WDR86: variants seen among roughly 807,000 people sequenced by gnomAD.
The protein encoded by WDR86 is WD repeat domain 86, also known as WD repeat-containing protein 86.
Under a neutral mutation model 36.5 loss-of-function variants are expected in WDR86, and 30 were observed. That is an observed-to-expected ratio of 0.82 (90% confidence interval 0.61 to 1.11). The LOEUF is 1.11. Among genes scored for constraint, WDR86 ranks in the 50% most tolerant of loss-of-function variants. The pLI is 0.00. For synonymous variants in WDR86, 255 were observed against 252.9 expected, an observed-to-expected ratio of 1.01 and a Z score of -0.08; for missense variants, 545 against 561.2, an observed-to-expected ratio of 0.97 and a Z score of 0.29.
downstream of WDR86, chr7:151,378,430 G>A (rs561039294): frequency 2.0e-5 from 3 of 152,334 alleles, no homozygotes; most frequent in East Asian, 3.9e-4. Flanking sequence ...GAAATAAAAG[G>A]TGGGAAATAT....
chr7:151,369,994 G>A, the WDR86 span, among the ~76,000 whole-genome samples: 1 of 152,134 alleles, frequency 6.6e-6, no homozygotes, highest in African/African-American at 2.4e-5. Flanking sequence ...AACACCAGCT[G>A]TGGTCATTAC....
intron 2 of WDR86, among the ~76,000 whole-genome samples, chr7:151,399,557 A>G (rs1309026112): frequency 6.6e-6 from 1 of 152,252 alleles, no homozygotes; most frequent in Non-Finnish European, 1.5e-5. Context: ...TCTGATCAGC[A>G]AAGGAATTTC....
rs546176893 is a variant in WDR86, at chr7:151,405,278, C to T, written c.163+4149G>A. Among the ~76,000 whole-genome samples, 1 of 152,240 alleles carries T rather than the reference C, an allele frequency of 6.6e-6. No homozygotes were observed. The highest frequency in any genetic ancestry group is 1.9e-4 in the East Asian group (1 of 5,170). ...CTCTAGGTCAGGATATGTTCCCCTC[C>T]CCCAGCTCCGACCCTGCAGGGCTCC... On this transcript the variant is annotated intron_variant, in intron 1 of 5. Transcript: ENST00000334493. The surrounding 1 kb of genome is among the most constrained non-coding windows in gnomAD (Gnocchi z 4.7).
chr7:151,401,978 G>A lies in WDR86; in HGVS notation c.164-1737C>T, dbSNP rs1800331615. On this transcript the variant is annotated intron_variant, in intron 1 of 5. Coordinates refer to ENST00000334493, the MANE Select transcript of WDR86 (RefSeq NM_198285.3). The surrounding 1 kb of genome is among the most constrained non-coding windows in gnomAD (Gnocchi z 4.3). Reference sequence around the variant, plus strand: ...GCAGAGAACTGCTTGAACCCGGAAGGCGGAGGCTGCAGTGAGCTGAGGTTG... The same window carrying A: ...GCAGAGAACTGCTTGAACCCGGAAGACGGAGGCTGCAGTGAGCTGAGGTTG... Among the ~76,000 whole-genome samples, 1 of 146,312 alleles carries A rather than the reference G, an allele frequency of 6.8e-6. No individual in the cohort carries two copies. Among genetic ancestry groups the A allele is most frequent in the Non-Finnish European group, 1.5e-5 (1 of 67,088 alleles).
In WDR86 at chr7:151,381,220, A is replaced by C; in HGVS notation, c.*362T>G. The stretch of plus-strand genomic sequence containing the variant: ...GGTTCAGTGGCTTCTGTAAAAAGTC[A>C]CTTCCTCTCAGCAGGAAAGGCCCAG... On this transcript the variant is annotated 3_prime_UTR_variant, in exon 6 of 6. Transcript: ENST00000334493. The surrounding 1 kb of genome is among the most constrained non-coding windows in gnomAD (Gnocchi z 4.8). The C allele has an allele frequency of 7.9e-7, 1 of 1,272,040 alleles. No individual in the cohort carries two copies. Among genetic ancestry groups the C allele is most frequent in the Middle Eastern group, 3.0e-4 (1 of 3,342 alleles). 78.8% of individuals were successfully genotyped at this position (1,272,040 alleles called of 1,614,324 possible). A position where few individuals can be genotyped will look rare whatever the true frequency, so the allele number is the denominator to read the frequency against.
At chr7:151,402,070 A>AAAAATATATATATAT in intron 1 of WDR86, among the ~76,000 whole-genome samples, 98 of 50,474 alleles carry the variant, frequency 1.9e-3, no homozygotes, top group Non-Finnish European at 3.0e-3. Context: ...AAAAAAAAAA[A>AAAAATATATATATAT]ATATATATAT....
chr7:151,381,048 C>T, downstream of WDR86: 1 of 922,012 alleles, frequency 1.1e-6, no homozygotes, highest in Admixed American at 4.9e-5. This position sits in a 1 kb window ranked among gnomAD's most constrained non-coding sequence, Gnocchi z 4.8. Flanking sequence ...GCCCGCCGCC[C>T]TGGGTTCCTG....
downstream of WDR86, among the ~76,000 whole-genome samples, chr7:151,373,678 C>T (rs1031748687): frequency 5.3e-5 from 8 of 152,222 alleles, no homozygotes; most frequent in Non-Finnish European, 7.3e-5. Context: ...GGCGATTCAT[C>T]GAAGGCTGGA....
At position 151,401,769 on chromosome 7, in the gene WDR86, G is replaced by A. The variant is rs1479189126; in HGVS notation, c.164-1528C>T. Reference sequence around the variant, plus strand: ...GGGGTCCTAAATACAACCGCAAGTGGCCAGGCGCGGTGGCTCACGCCTGTA... The same window carrying A: ...GGGGTCCTAAATACAACCGCAAGTGACCAGGCGCGGTGGCTCACGCCTGTA... On this transcript the variant is annotated intron_variant, in intron 1 of 5. Transcript: ENST00000334493. The surrounding 1 kb of genome is among the most constrained non-coding windows in gnomAD (Gnocchi z 4.3). Among the ~76,000 whole-genome samples, 1 of 151,992 alleles carries A rather than the reference G, an allele frequency of 6.6e-6. No homozygotes were observed. Among genetic ancestry groups the A allele is most frequent in the African/African-American group, 2.4e-5 (1 of 41,364 alleles).
At position 151,401,575 on chromosome 7, in the gene WDR86, C is replaced by T. The variant is rs373810521; in HGVS notation, c.164-1334G>A. Reference sequence around the variant, plus strand: ...AGCCGCAGAGGGAATGGCACATGTTCGCTATTTTCCTTACACTGGGGAGAG... The same window carrying T: ...AGCCGCAGAGGGAATGGCACATGTTTGCTATTTTCCTTACACTGGGGAGAG... On this transcript the variant is annotated intron_variant, in intron 1 of 5. Transcript: ENST00000334493. This position sits in a 1 kb window ranked among gnomAD's most constrained non-coding sequence, Gnocchi z 4.3. Among the ~76,000 whole-genome samples, 3 of 152,144 alleles carry T rather than the reference C, an allele frequency of 2.0e-5. No homozygotes were observed. Among genetic ancestry groups the T allele is most frequent in the East Asian group, 1.9e-4 (1 of 5,196 alleles).
chr7:151,374,078 C>T (rs1246557759), downstream of WDR86: 4 of 1,546,990 alleles, frequency 2.6e-6, no homozygotes, highest in East Asian at 2.4e-5. Flanking sequence ...TGGGATGGGA[C>T]TTTGCTGTTT....
intron 1 of WDR86, among the ~76,000 whole-genome samples, chr7:151,404,285 TGCCCTGTG>T (rs1800552099): frequency 6.6e-6 from 1 of 152,014 alleles, no homozygotes; most frequent in Non-Finnish European, 1.5e-5. Flanking sequence ...CTCTGCCCTC[TGCCCTGTG>T]GCAGAGCCTG....
At chr7:151,395,027 A>T (rs1002864077) in intron 3 of WDR86, among the ~76,000 whole-genome samples, 1 of 152,234 alleles carries the variant, frequency 6.6e-6, no homozygotes, top group African/African-American at 2.4e-5. Context: ...ACTGAGGCCC[A>T]CAGAGGCTGG....
chr7:151,402,070 A>AAAAAAAATATATATATATATATAT, intron 1 of WDR86, among the ~76,000 whole-genome samples: 6 of 50,508 alleles, frequency 1.2e-4, no homozygotes, highest in African/African-American at 2.4e-4. Flanking sequence ...AAAAAAAAAA[A>AAAAAAAATATATATATATATATAT]ATATATATAT....
intron 4 of WDR86, among the ~76,000 whole-genome samples, 195 bp from the exon 5 acceptor site, chr7:151,382,176 G>A (rs1563042485): frequency 6.6e-6 from 1 of 152,124 alleles, no homozygotes. Flanking sequence ...CCCTGCAGAT[G>A]CCTGCGCGCC....
At chr7:151,400,016 G>T (rs1157281557) in intron 2 of WDR86, 84 bp downstream of exon 2, 8 of 1,324,482 alleles carry the variant, frequency 6.0e-6, no homozygotes, top group Admixed American at 3.0e-5. Flanking sequence ...GCCCTCACGT[G>T]CAGGGGCCCA....
At position 151,390,669 on chromosome 7, in the gene WDR86, C is replaced by T. The variant is rs757778450; in HGVS notation, c.726+5107G>A. On this transcript the variant is annotated intron_variant, in intron 3 of 5. Coordinates refer to ENST00000334493, the MANE Select transcript of WDR86 (RefSeq NM_198285.3). The surrounding 1 kb of genome is among the most constrained non-coding windows in gnomAD (Gnocchi z 4.5). ...TGTCTATCAACAGGTGACGGATAAG[C>T]GCAATGTGGTATCCACATACCAGGG... Among the ~76,000 whole-genome samples, 16 of 152,296 alleles carry T rather than the reference C, an allele frequency of 1.1e-4. No individual in the cohort carries two copies. Among genetic ancestry groups the T allele is most frequent in the East Asian group, 1.9e-4 (1 of 5,180 alleles).
rs1799349590 is a variant in WDR86, at chr7:151,390,546, C to T, written c.726+5230G>A. On this transcript the variant is annotated intron_variant, in intron 3 of 5. Coordinates refer to ENST00000334493, the MANE Select transcript of WDR86 (RefSeq NM_198285.3). This position sits in a 1 kb window ranked among gnomAD's most constrained non-coding sequence, Gnocchi z 4.5. ...GAACAGAGAATTACCAAGTCATCCG[C>T]AGTCCCACTGGCAGGCATATACCCG... 6.6e-6 allele frequency among the ~76,000 whole-genome samples: 1 copy of T among 152,220 alleles called. No homozygotes were observed. The highest frequency in any genetic ancestry group is 1.9e-4 in the East Asian group (1 of 5,198).
rs978164644 is a variant in WDR86, at chr7:151,388,895, G to A, written c.727-3672C>T. 5.9e-5 allele frequency among the ~76,000 whole-genome samples: 9 copies of A among 152,072 alleles called. No individual in the cohort carries two copies. The highest frequency in any genetic ancestry group is 1.9e-4 in the East Asian group (1 of 5,180). ...GGAAGTAAAGTGGTTATGAGGGCCC[G>A]CCTCATAAATGAGATGAGTTCCCTT... On this transcript the variant is annotated intron_variant, in intron 3 of 5. Coordinates refer to ENST00000334493, the MANE Select transcript of WDR86 (RefSeq NM_198285.3). This position sits in a 1 kb window ranked among gnomAD's most constrained non-coding sequence, Gnocchi z 4.2.
Sources: gnomAD v4.1 joint callset for allele counts (sites outside exome capture counted in the v4.1 genomes callset) on GRCh38, gnomAD v4.1.1 for gene constraint, Gnocchi (gnomAD v3.1) non-coding constraint, MANE v1.5 for transcripts, NCBI Gene and HGNC (gene_info 2026-07-23, HGNC 2026-07-21) for gene names.